The following NRG3 variants were observed in gnomAD, a reference collection of about 807,000 sequenced individuals.
NRG3 encodes pro-neuregulin-3, membrane-bound isoform.
In NRG3, 31 loss-of-function variants were observed where a neutral mutation model predicts 66.9. The ratio of observed to expected loss-of-function variants is 0.46; its 90% CI spans 0.35 to 0.63. NRG3 has a LOEUF of 0.63. Among genes scored for constraint, NRG3 ranks in the 20% least tolerant of loss-of-function variants. The pLI is 0.00. For synonymous variants in NRG3, 393 were observed against 359.4 expected (o/e 1.09, Z -1.06); for missense variants, 910 against 878.9 (o/e 1.04, Z -0.45).
At chr10:82,598,641 G>C (rs1168818074) in intron 2 of NRG3, among the ~76,000 whole-genome samples, 1 of 152,172 alleles carries the variant, frequency 6.6e-6, no homozygotes, top group Non-Finnish European at 1.5e-5. Context: ...ATCAAATTAT[G>C]CTTAGAAAAA....
intron 1 of NRG3, among the ~76,000 whole-genome samples, chr10:82,028,273 A>AG (rs1476272613): frequency 6.6e-6 from 1 of 152,082 alleles, no homozygotes; most frequent in African/African-American, 2.4e-5. Context: ...TGGTCATAGG[A>AG]GGAAAAAACA....
At chr10:82,786,829 A>G (rs946620974) in intron 3 of NRG3, among the ~76,000 whole-genome samples, 7 of 152,154 alleles carry the variant, frequency 4.6e-5, no homozygotes, top group African/African-American at 1.7e-4. Flanking sequence ...CCATCATTGC[A>G]GGAGTGGGTT....
chr10:82,778,348 GAGGTTTAATTGACTTAC>G, intron 3 of NRG3, among the ~76,000 whole-genome samples: 1 of 152,320 alleles, frequency 6.6e-6, no homozygotes. Context: ...ATAAAGGAAA[GAGGTTTAATTGACTTAC>G]AGTTCTGCAT....
intron 1 of NRG3, among the ~76,000 whole-genome samples, chr10:82,080,217 A>G (rs1242190062): frequency 6.6e-6 from 1 of 152,052 alleles, no homozygotes; most frequent in Non-Finnish European, 1.5e-5. Context: ...TACTATAAGC[A>G]TTTGAGTTTG....
At chr10:82,564,474 A>T (rs1816038723) in intron 2 of NRG3, among the ~76,000 whole-genome samples, 1 of 152,124 alleles carries the variant, frequency 6.6e-6, no homozygotes, top group South Asian at 2.1e-4. Context: ...GGGAGTTTCC[A>T]CTTACCTTGA....
chr10:82,257,002 G>A (rs2077764500), intron 1 of NRG3, among the ~76,000 whole-genome samples: 1 of 152,162 alleles, frequency 6.6e-6, no homozygotes, highest in Non-Finnish European at 1.5e-5. Context: ...AGACGACAGG[G>A]TTTATAACCA....
chr10:82,206,346 A>G (rs967780245), intron 1 of NRG3, among the ~76,000 whole-genome samples: 2 of 152,174 alleles, frequency 1.3e-5, no homozygotes, highest in African/African-American at 4.8e-5. Flanking sequence ...CATTGGTTTA[A>G]TAGCCAGTTC....
chr10:82,630,268 G>A lies in NRG3; in HGVS notation c.954-108309G>A, dbSNP rs181770681. 9.4e-3 allele frequency among the ~76,000 whole-genome samples: 1,424 copies of A among 151,478 alleles called. 14 individuals carry two copies. Among genetic ancestry groups the A allele is most frequent in the South Asian group, 0.032 (153 of 4,786 alleles). On this transcript the variant is annotated intron_variant, in intron 2 of 8. Transcript: ENST00000372141. The stretch of plus-strand genomic sequence containing the variant: ...AAGTAAATAAAGAGGTAATTTTAGA[G>A]AAGAACAGCAATATGAAAATCTTTT...
intron 1 of NRG3, among the ~76,000 whole-genome samples, chr10:82,083,320 TATC>T (rs1330419803): frequency 3.9e-5 from 6 of 151,972 alleles, no homozygotes; most frequent in Admixed American, 3.9e-4. Context: ...TAATATTAAG[TATC>T]ATGTACATTA....
At chr10:81,989,596 TAA>T (rs1325119355) in intron 1 of NRG3, among the ~76,000 whole-genome samples, 1 of 152,242 alleles carries the variant, frequency 6.6e-6, no homozygotes, top group Non-Finnish European at 1.5e-5. Context: ...GGTTCATTTA[TAA>T]AGTCATCTGT....
intron 4 of NRG3, among the ~76,000 whole-genome samples, chr10:82,911,332 G>A (rs1845303453): frequency 6.6e-6 from 1 of 151,728 alleles, no homozygotes; most frequent in African/African-American, 2.4e-5. Flanking sequence ...TTTCATTCAT[G>A]GGTTGTGCCT....
intron 7 of NRG3, among the ~76,000 whole-genome samples, chr10:82,977,303 C>A (rs1278635707): frequency 6.6e-6 from 1 of 151,972 alleles, no homozygotes; most frequent in East Asian, 1.9e-4. Flanking sequence ...TGGGGACACA[C>A]CATATAATGA....
chr10:81,875,912 C>G lies in NRG3; in HGVS notation c.572C>G (p.Ala191Gly), dbSNP rs747234191. 6.2e-7 allele frequency: 1 copy of G among 1,613,002 alleles called. No individual in the cohort carries two copies. Among genetic ancestry groups the G allele is most frequent in the Admixed American group, 1.7e-5 (1 of 60,010 alleles). The stretch of plus-strand genomic sequence containing the variant: ...ACAGCACGGAACACTGCGGCCCCTG[C>G]GACGGTCCCGTCCACCACGGCCCCG... ...STTARNTAAP[A>G]TVPSTTAPFF... The change falls in exon 1 of 9, where the codon GCG becomes GGG. Residue 191 changes from alanine to glycine, a missense_variant. Transcript: ENST00000372141. This position sits in a 1 kb window ranked among gnomAD's most constrained non-coding sequence, Gnocchi z 5.3.
chr10:82,378,554 A>C (rs2085409433), intron 2 of NRG3, among the ~76,000 whole-genome samples: 1 of 146,046 alleles, frequency 6.8e-6, no homozygotes, highest in African/African-American at 2.5e-5. Context: ...CTTCTCTTCT[A>C]CTCTCTTCTC....
intron 1 of NRG3, among the ~76,000 whole-genome samples, chr10:82,036,012 T>G (rs2062776305): frequency 6.6e-6 from 1 of 152,080 alleles, no homozygotes; most frequent in African/African-American, 2.4e-5. Flanking sequence ...TTCACATGTG[T>G]AAATAGCAAC....
At chr10:82,119,344 C>T (rs1448293197) in intron 1 of NRG3, among the ~76,000 whole-genome samples, 2 of 152,060 alleles carry the variant, frequency 1.3e-5, no homozygotes, top group Non-Finnish European at 2.9e-5. Context: ...TCTCTATTGA[C>T]TTATCTAGCT....
chr10:82,932,809 G>T (rs1847700218), intron 4 of NRG3, among the ~76,000 whole-genome samples: 1 of 152,104 alleles, frequency 6.6e-6, no homozygotes, highest in South Asian at 2.1e-4. Context: ...GAGACCTTGT[G>T]GTCATCAGCA....
chr10:82,522,746 A>T (rs1464875145), intron 2 of NRG3, among the ~76,000 whole-genome samples: 2 of 152,166 alleles, frequency 1.3e-5, no homozygotes, highest in Non-Finnish European at 2.9e-5. Flanking sequence ...TCAATTTAAC[A>T]TGGTTTCCTT....
chr10:82,019,771 A>G (rs1351666605), intron 1 of NRG3, among the ~76,000 whole-genome samples: 13 of 151,916 alleles, frequency 8.6e-5, no homozygotes, highest in African/African-American at 3.1e-4. Flanking sequence ...TTTCTGTGGG[A>G]TCGGTGGTGA....
Sources: allele counts gnomAD v4.1 joint callset (sites outside exome capture counted in the v4.1 genomes callset), GRCh38; gene constraint gnomAD v4.1.1; non-coding constraint Gnocchi (gnomAD v3.1); transcripts MANE v1.5; gene names NCBI Gene and HGNC (gene_info 2026-07-23, HGNC 2026-07-21).